FNIP1: variants seen among roughly 807,000 people sequenced by gnomAD.
The protein encoded by FNIP1 is folliculin-interacting protein 1.
Under a neutral mutation model 124.5 loss-of-function variants are expected in FNIP1, and 40 were observed. The observed-to-expected ratio is 0.32, with a 90% CI of 0.25 to 0.42. FNIP1 has a LOEUF of 0.42. FNIP1 is among the 10% of genes least tolerant of loss of function. The probability of loss-of-function intolerance (pLI) is 1.00; values close to 1 mark genes in which losing one functional copy is unlikely to be tolerated. For missense variants in FNIP1, 1,176 were observed against 1,403.7 expected (o/e 0.84, Z 2.59); for synonymous variants, 472 against 470.6 (o/e 1.00, Z -0.04).
At chr5:131,707,249 A>G (rs1335778262) in intron 8 of FNIP1, among the ~76,000 whole-genome samples, 6 of 152,206 alleles carry the variant, frequency 3.9e-5, no homozygotes, top group African/African-American at 1.4e-4. Context: ...ATTTTTCATT[A>G]GGCTAGGAGA....
intron 16 of FNIP1, among the ~76,000 whole-genome samples, chr5:131,649,233 A>G (rs1269072712): frequency 6.6e-6 from 1 of 152,180 alleles, no homozygotes; most frequent in Non-Finnish European, 1.5e-5. Flanking sequence ...GGAACAGCCA[A>G]ACTTTTCCAC....
chr5:131,713,439 C>T (rs918055484), intron 6 of FNIP1, among the ~76,000 whole-genome samples: 1 of 152,180 alleles, frequency 6.6e-6, no homozygotes, highest in African/African-American at 2.4e-5. Context: ...TCCTCCATTC[C>T]CGTGCTTTCA....
chr5:131,746,749 A>G (rs1011750501), intron 1 of FNIP1, among the ~76,000 whole-genome samples: 10 of 152,166 alleles, frequency 6.6e-5, no homozygotes, highest in African/African-American at 2.4e-4. Flanking sequence ...ATACAAGTGC[A>G]TGTGTCTTTT....
chr5:131,714,812 T>C (rs909791127), intron 6 of FNIP1, among the ~76,000 whole-genome samples: 2 of 152,236 alleles, frequency 1.3e-5, no homozygotes, highest in Non-Finnish European at 2.9e-5. Flanking sequence ...TCTAAGAATT[T>C]ACTATAGTAT....
chr5:131,764,306 C>T (rs990262211), intron 1 of FNIP1, among the ~76,000 whole-genome samples: 34 of 149,590 alleles, frequency 2.3e-4, no homozygotes, highest in African/African-American at 7.9e-4. Flanking sequence ...GCCTAAAACA[C>T]CTTTTTTTTT....
At chr5:131,710,144 G>T (rs898780343) in intron 7 of FNIP1, among the ~76,000 whole-genome samples, 7 of 152,148 alleles carry the variant, frequency 4.6e-5, no homozygotes, top group African/African-American at 1.7e-4. Flanking sequence ...TGCTCTTATG[G>T]AATAGTGTAG....
chr5:131,710,456 A>G, intron 7 of FNIP1, 122 bp downstream of exon 7: 1 of 751,708 alleles, frequency 1.3e-6, no homozygotes, highest in East Asian at 3.0e-5. Flanking sequence ...TTCCTAATGC[A>G]ATGTTTTCTT....
At chr5:131,760,920 A>C in intron 1 of FNIP1, among the ~76,000 whole-genome samples, 1 of 150,420 alleles carries the variant, frequency 6.6e-6, no homozygotes, top group African/African-American at 2.4e-5. Context: ...GAGGGAGGGA[A>C]GGAGGGAGGG....
intron 1 of FNIP1, among the ~76,000 whole-genome samples, chr5:131,785,018 GAT>G (rs200673343): frequency 2.5e-3 from 32 of 12,584 alleles, no homozygotes; most frequent in African/African-American, 6.9e-3. Context: ...CTATATATAT[GAT>G]ATATATGACA....
intron 3 of FNIP1, among the ~76,000 whole-genome samples, chr5:131,720,034 C>T (rs866898721): frequency 1.3e-5 from 2 of 152,156 alleles, no homozygotes; most frequent in African/African-American, 4.8e-5. Flanking sequence ...CTTCAAGAAG[C>T]AGCAGCCAAA....
Position 131,774,752 on chromosome 5 carries a change from C to A in FNIP1, c.92+22078G>T, listed in dbSNP as rs1385242804. 2.6e-5 allele frequency among the ~76,000 whole-genome samples: 4 copies of A among 152,082 alleles called. 1 individual carries two copies. In the South Asian group the frequency reaches 8.3e-4, roughly 31 times the overall value. On this transcript the variant is annotated intron_variant, in intron 1 of 17. Transcript: ENST00000510461. ...TAAATACTTGCAAATTCTGAGAGCACCAGAATATTTAGTATATATCTGAAA... is the reference window on the plus strand; with the variant it reads ...TAAATACTTGCAAATTCTGAGAGCAACAGAATATTTAGTATATATCTGAAA...
intron 11 of FNIP1, among the ~76,000 whole-genome samples, chr5:131,681,249 G>C (rs962392607): frequency 2.6e-5 from 4 of 152,020 alleles, no homozygotes; most frequent in Admixed American, 1.3e-4. Flanking sequence ...GGGGGGCGGT[G>C]GTATTGAAGG....
chr5:131,685,592 G>A (rs1254217690), intron 11 of FNIP1, among the ~76,000 whole-genome samples: 2 of 151,744 alleles, frequency 1.3e-5, no homozygotes, highest in Non-Finnish European at 2.9e-5. Flanking sequence ...CAGTAGCTGG[G>A]GCTACAGGCA....
intron 1 of FNIP1, among the ~76,000 whole-genome samples, chr5:131,758,296 G>C (rs1216129268): frequency 6.6e-6 from 1 of 152,120 alleles, no homozygotes; most frequent in East Asian, 1.9e-4. Flanking sequence ...CAGCTGGCTG[G>C]TGCCTCTTCT....
chr5:131,739,791 T>TGACAGAGTGAG (rs1770448732), intron 2 of FNIP1, among the ~76,000 whole-genome samples: 1 of 122,682 alleles, frequency 8.2e-6, no homozygotes, highest in Non-Finnish European at 1.6e-5. Flanking sequence ...CCAGCCTGGG[T>TGACAGAGTGAG]GACAGAGTGA....
intron 16 of FNIP1, among the ~76,000 whole-genome samples, chr5:131,650,141 C>G (rs1024283191): frequency 5.3e-5 from 8 of 152,000 alleles, no homozygotes; most frequent in Admixed American, 1.3e-4. Context: ...ATGGGTTTTT[C>G]TATTTCTGCA....
chr5:131,772,582 C>G (rs1324014357), intron 1 of FNIP1, among the ~76,000 whole-genome samples: 1 of 152,126 alleles, frequency 6.6e-6, no homozygotes, highest in African/African-American at 2.4e-5. Flanking sequence ...TCTTCTCCAC[C>G]ATGCCTACTC....
chr5:131,657,744 A>AAAC (rs1554091792), intron 15 of FNIP1, among the ~76,000 whole-genome samples: 3 of 150,566 alleles, frequency 2.0e-5, no homozygotes, highest in East Asian at 1.9e-4. Flanking sequence ...GGCAAAAAAA[A>AAAC]AAAAAAAAAA....
At position 131,671,887 on chromosome 5, in the gene FNIP1, G is replaced by C. The variant is rs770521179; in HGVS notation, c.2557C>G (p.Pro853Ala). The C allele has an allele frequency of 2.5e-6, 4 of 1,614,042 alleles. No individual in the cohort carries two copies. In the South Asian group the frequency reaches 3.3e-5, roughly 13 times the overall value. ...SIETRTIDDV[P>A]FKTSTDSKDH... The stretch of plus-strand genomic sequence containing the variant: ...TTACTATCTGTACTTGTTTTAAATG[G>C]AACATCATCAATAGTCCTGGTTTCG... Residue 853 changes from proline (P) to alanine (A), a missense_variant, in exon 14 of 18, where the codon CCA becomes GCA. By Grantham distance (27) the Pro-to-Ala change is conservative (BLOSUM62 -1). Around this residue, in one of 2 missense-constraint regions of FNIP1, gnomAD observed 1,109 missense variants for 1,288.5 expected, o/e 0.86. Coordinates refer to ENST00000510461, the MANE Select transcript of FNIP1 (RefSeq NM_133372.3).
Sources: allele counts gnomAD v4.1 joint callset (sites outside exome capture counted in the v4.1 genomes callset), GRCh38; gene constraint gnomAD v4.1.1; regional missense constraint gnomAD v4.1.1; transcripts MANE v1.5; gene names NCBI Gene and HGNC (gene_info 2026-07-23, HGNC 2026-07-21).